Variants in CNTNAP2 observed in about 807,000 individuals in gnomAD.
CNTNAP2 encodes the protein contactin-associated protein-like 2.
CNTNAP2 carries 98 observed loss-of-function variants against 155.2 expected under a neutral mutation model. The ratio of observed to expected loss-of-function variants is 0.63; its 90% CI spans 0.54 to 0.75. CNTNAP2 has a LOEUF of 0.75. Among genes scored for constraint, CNTNAP2 ranks in the 30% least tolerant of loss-of-function variants. The pLI is 0.00. For synonymous variants in CNTNAP2, 651 were observed against 631.2 expected, an observed-to-expected ratio of 1.03 and a Z score of -0.47; for missense variants, 1,727 against 1,688.1, an observed-to-expected ratio of 1.02 and a Z score of -0.40.
intron 3 of CNTNAP2, among the ~76,000 whole-genome samples, chr7:146,864,621 G>T (rs1795166911): frequency 6.6e-6 from 1 of 152,114 alleles, no homozygotes; most frequent in Admixed American, 6.6e-5. Context: ...AATAGAAGAA[G>T]TAGGCCTGTC....
intron 12 of CNTNAP2, among the ~76,000 whole-genome samples, chr7:147,588,851 T>G (rs1055442584): frequency 4.6e-5 from 7 of 152,174 alleles, no homozygotes; most frequent in Non-Finnish European, 8.8e-5. Context: ...TTTGAGACAT[T>G]TATACTGGTT....
At chr7:147,726,010 AT>A (rs1393986828) in intron 13 of CNTNAP2, among the ~76,000 whole-genome samples, 4 of 152,056 alleles carry the variant, frequency 2.6e-5, no homozygotes, top group African/African-American at 9.7e-5. Flanking sequence ...GAGATAGGTA[AT>A]ATCAGCAAAT....
At chr7:146,199,207 A>C (rs1798821594) in intron 1 of CNTNAP2, among the ~76,000 whole-genome samples, 1 of 152,158 alleles carries the variant, frequency 6.6e-6, no homozygotes, top group Admixed American at 6.5e-5. Context: ...AACCTCTTAG[A>C]GATAGAATCC....
At chr7:146,183,957 C>G (rs1798586505) in intron 1 of CNTNAP2, among the ~76,000 whole-genome samples, 1 of 152,142 alleles carries the variant, frequency 6.6e-6, no homozygotes, top group Admixed American at 6.5e-5. Flanking sequence ...ACTTTGGGCA[C>G]AGCTATTGAT....
chr7:148,408,045 GACCAGGCT>G (rs1160474193), intron 22 of CNTNAP2, among the ~76,000 whole-genome samples: 2 of 152,176 alleles, frequency 1.3e-5, no homozygotes, highest in African/African-American at 4.8e-5. Context: ...AGGAGTTTGA[GACCAGGCT>G]GGCTAACATG....
intron 13 of CNTNAP2, among the ~76,000 whole-genome samples, chr7:147,671,135 G>C (rs370495681): frequency 6.6e-6 from 1 of 152,214 alleles, no homozygotes; most frequent in African/African-American, 2.4e-5. Context: ...TCCTGCCTGC[G>C]CTGAAGCAGC....
intron 14 of CNTNAP2, among the ~76,000 whole-genome samples, chr7:147,924,435 G>A (rs186950147): frequency 3.3e-5 from 5 of 152,234 alleles, no homozygotes; most frequent in Admixed American, 3.3e-4. Context: ...CACCATGCAA[G>A]CCCACACTAA....
intron 3 of CNTNAP2, among the ~76,000 whole-genome samples, chr7:146,849,529 A>G (rs1302170205): frequency 6.6e-6 from 1 of 152,186 alleles, no homozygotes; most frequent in African/African-American, 2.4e-5. Flanking sequence ...CCGGACCTCA[A>G]ATATCTGAAC....
intron 20 of CNTNAP2, among the ~76,000 whole-genome samples, chr7:148,265,266 A>C (rs1474561092): frequency 6.6e-6 from 1 of 152,004 alleles, no homozygotes; most frequent in Admixed American, 6.6e-5. Context: ...GAACGGAATA[A>C]GTGTTTTTGT....
chr7:146,231,447 A>G (rs1431642839), intron 1 of CNTNAP2, among the ~76,000 whole-genome samples: 1 of 152,182 alleles, frequency 6.6e-6, no homozygotes, highest in African/African-American at 2.4e-5. Context: ...TCATCTTTAA[A>G]CATCGACCTG....
chr7:147,848,809 A>G (rs1036658884), intron 13 of CNTNAP2, among the ~76,000 whole-genome samples: 2 of 152,236 alleles, frequency 1.3e-5, no homozygotes, highest in African/African-American at 4.8e-5. Context: ...AAAAATTCAT[A>G]GAATAGAATT....
intron 10 of CNTNAP2, 28 bp downstream of exon 10, chr7:147,395,808 G>A (rs1323794587): frequency 9.3e-6 from 15 of 1,609,956 alleles, no homozygotes; most frequent in African/African-American, 4.0e-5. Flanking sequence ...CCTACCTCAC[G>A]TTGTCCAAAC....
intron 8 of CNTNAP2, among the ~76,000 whole-genome samples, chr7:147,183,292 G>A (rs1802502948): frequency 6.6e-6 from 1 of 152,116 alleles, no homozygotes; most frequent in Admixed American, 6.6e-5. Context: ...TTGAAAACTG[G>A]ACAGAAATAG....
chr7:148,229,874 A>G, intron 20 of CNTNAP2, 95 bp downstream of exon 20: 4 of 1,435,320 alleles, frequency 2.8e-6, no homozygotes, highest in Non-Finnish European at 3.9e-6. Context: ...GAGGGGATAG[A>G]AGTAGAAGAG....
At chr7:146,959,264 C>T (rs774668935) in intron 3 of CNTNAP2, among the ~76,000 whole-genome samples, 191 of 151,854 alleles carry the variant, frequency 1.3e-3, no homozygotes, top group Non-Finnish European at 1.8e-3. Flanking sequence ...GTGATCTGTC[C>T]GCCTCGGCCT....
chr7:147,903,422 G>T (rs1467565883), intron 13 of CNTNAP2, 143 bp from the exon 14 acceptor site: 6 of 869,500 alleles, frequency 6.9e-6, no homozygotes, highest in Non-Finnish European at 9.3e-6. Context: ...TCTGTGGGTT[G>T]TCTGTTTGAA....
intron 1 of CNTNAP2, among the ~76,000 whole-genome samples, chr7:146,748,946 C>T (rs116355931): frequency 3.9e-5 from 6 of 152,060 alleles, no homozygotes; most frequent in African/African-American, 7.2e-5. Context: ...TACAAATTGC[C>T]GTAAGTTTTT....
chr7:147,786,373 G>A (rs1183613084), intron 13 of CNTNAP2, among the ~76,000 whole-genome samples: 2 of 152,202 alleles, frequency 1.3e-5, no homozygotes, highest in African/African-American at 4.8e-5. Context: ...TGAGGAGGGG[G>A]TCTGGGAGGT....
Position 147,748,896 on chromosome 7 carries a change from G to T in CNTNAP2, c.2098+109590G>T, listed in dbSNP as rs767724499. Among the ~76,000 whole-genome samples the T allele has an allele frequency of 1.3e-5, 2 of 152,142 alleles. 1 individual carries two copies. The highest frequency in any genetic ancestry group is 4.1e-4 in the South Asian group (2 of 4,828). ...TGAAACAAAAAGGAAGGGGACCAGA[G>T]GAAACATTTCCTACAGATCTGCATG... On this transcript the variant is annotated intron_variant, in intron 13 of 23. Coordinates refer to ENST00000361727, the MANE Select transcript of CNTNAP2 (RefSeq NM_014141.6).
Sources: gnomAD v4.1 joint callset for allele counts (sites outside exome capture counted in the v4.1 genomes callset) on GRCh38, gnomAD v4.1.1 for gene constraint, MANE v1.5 for transcripts, NCBI Gene and HGNC (gene_info 2026-07-23, HGNC 2026-07-21) for gene names.